EXOC6B: variants seen among roughly 807,000 people sequenced by gnomAD.
EXOC6B encodes the protein exocyst complex component 6B.
Under a neutral mutation model 113.5 loss-of-function variants are expected in EXOC6B, and 54 were observed. That is an observed-to-expected ratio of 0.48 (90% CI 0.38 to 0.60). The LOEUF is 0.60. Among genes scored for constraint, EXOC6B ranks in the 20% least tolerant of loss-of-function variants. The pLI, the probability that EXOC6B is intolerant of heterozygous loss-of-function variation, is 0.00. For synonymous variants in EXOC6B, 357 were observed against 339.0 expected (o/e 1.05, Z -0.58); for missense variants, 797 against 977.5 (o/e 0.82, Z 2.46).
At chr2:72,570,684 T>A (rs2103786903) in intron 7 of EXOC6B, among the ~76,000 whole-genome samples, 1 of 152,294 alleles carries the variant, frequency 6.6e-6, no homozygotes. Context: ...GTGGTATCAA[T>A]GAAGTATTCT....
intron 11 of EXOC6B, among the ~76,000 whole-genome samples, chr2:72,509,828 T>TTTTA (rs759082334): frequency 4.3e-4 from 65 of 152,128 alleles, no homozygotes; most frequent in Non-Finnish European, 6.5e-4. Context: ...ATTTATTTCT[T>TTTTA]TTTATTTATT....
chr2:72,548,667 C>T (rs897570072), intron 8 of EXOC6B, among the ~76,000 whole-genome samples: 3 of 152,108 alleles, frequency 2.0e-5, no homozygotes, highest in African/African-American at 4.8e-5. Flanking sequence ...CAAAAACAAA[C>T]ATTTACTGAT....
chr2:72,662,911 A>G, intron 6 of EXOC6B, among the ~76,000 whole-genome samples: 1 of 152,024 alleles, frequency 6.6e-6, no homozygotes, highest in South Asian at 2.1e-4. Flanking sequence ...TTTAGTAGAG[A>G]TAGGGTTTCA....
At chr2:72,667,198 A>G (rs907163396) in intron 6 of EXOC6B, among the ~76,000 whole-genome samples, 1 of 152,204 alleles carries the variant, frequency 6.6e-6, no homozygotes, top group Non-Finnish European at 1.5e-5. Flanking sequence ...ACTACAAAAC[A>G]CTGCTGAAAG....
chr2:72,762,985 G>T (rs1050914541), intron 1 of EXOC6B, among the ~76,000 whole-genome samples: 2 of 151,910 alleles, frequency 1.3e-5, no homozygotes, highest in African/African-American at 2.4e-5. Flanking sequence ...ATTGCAATAA[G>T]TTAAAGATGC....
At chr2:72,713,420 A>G (rs1028773638) in intron 6 of EXOC6B, among the ~76,000 whole-genome samples, 3 of 151,600 alleles carry the variant, frequency 2.0e-5, no homozygotes, top group African/African-American at 7.3e-5. Context: ...ACAAGAACAA[A>G]TTCTTTTTTT....
chr2:72,291,600 C>G (rs894882100), intron 20 of EXOC6B, among the ~76,000 whole-genome samples: 1 of 152,082 alleles, frequency 6.6e-6, no homozygotes, highest in Non-Finnish European at 1.5e-5. Flanking sequence ...TGTGGTGTGC[C>G]TTGGTTGTTT....
intron 18 of EXOC6B, among the ~76,000 whole-genome samples, chr2:72,408,868 G>C (rs867513483): frequency 1.3e-5 from 2 of 152,088 alleles, no homozygotes; most frequent in East Asian, 3.9e-4. Context: ...TGACAAATGG[G>C]ATCTCATTAA....
chr2:72,813,234 T>C (rs577574160), intron 1 of EXOC6B, among the ~76,000 whole-genome samples: 113 of 152,060 alleles, frequency 7.4e-4, no homozygotes, highest in African/African-American at 2.4e-3. Flanking sequence ...GGGACTATAG[T>C]GCATGCCACG....
At chr2:72,573,225 C>A (rs1223076185) in intron 7 of EXOC6B, among the ~76,000 whole-genome samples, 2 of 152,166 alleles carry the variant, frequency 1.3e-5, no homozygotes, top group African/African-American at 4.8e-5. Flanking sequence ...TTCATCTTAT[C>A]ATCTAACCAT....
chr2:72,289,387 C>T (rs1479519038), intron 20 of EXOC6B, among the ~76,000 whole-genome samples: 1 of 152,010 alleles, frequency 6.6e-6, no homozygotes, highest in Non-Finnish European at 1.5e-5. Flanking sequence ...AATACTTTCC[C>T]TCTTTAAATA....
At chr2:72,801,843 C>G (rs1471030802) in intron 1 of EXOC6B, among the ~76,000 whole-genome samples, 1 of 152,164 alleles carries the variant, frequency 6.6e-6, no homozygotes, top group Non-Finnish European at 1.5e-5. Context: ...ATTACAGTCT[C>G]CTTAAAACCA....
At chr2:72,524,499 G>A (rs1352390590) in intron 8 of EXOC6B, among the ~76,000 whole-genome samples, 2 of 152,094 alleles carry the variant, frequency 1.3e-5, no homozygotes, top group African/African-American at 4.8e-5. Flanking sequence ...TTAGGGCTTT[G>A]AAAAATGTCT....
chr2:72,707,819 C>G (rs779540448), intron 6 of EXOC6B, among the ~76,000 whole-genome samples: 22 of 152,168 alleles, frequency 1.4e-4, no homozygotes, highest in Admixed American at 2.6e-4. Flanking sequence ...ATACTCAATA[C>G]ATATTTCATG....
At chr2:72,260,235 T>C (rs17673916) in intron 20 of EXOC6B, among the ~76,000 whole-genome samples, 18,205 of 152,178 alleles carry the variant, frequency 0.12, 1,349 homozygotes, top group Admixed American at 0.16. Context: ...GAAGGGAAAT[T>C]GAACTATGTG....
intron 20 of EXOC6B, among the ~76,000 whole-genome samples, chr2:72,310,571 C>T (rs1300129052): frequency 6.6e-6 from 1 of 151,368 alleles, no homozygotes; most frequent in Non-Finnish European, 1.5e-5. Flanking sequence ...AGATTATTTC[C>T]CATTATATGG....
intron 2 of EXOC6B, among the ~76,000 whole-genome samples, chr2:72,739,483 A>G (rs750011295): frequency 6.6e-6 from 1 of 152,012 alleles, no homozygotes; most frequent in Non-Finnish European, 1.5e-5. Flanking sequence ...AGTATTTTTT[A>G]TTATTTGCCT....
intron 19 of EXOC6B, among the ~76,000 whole-genome samples, chr2:72,369,056 GA>G (rs1690829708): frequency 6.6e-6 from 1 of 152,144 alleles, no homozygotes; most frequent in Non-Finnish European, 1.5e-5. Flanking sequence ...ATTCAATTAG[GA>G]AAAGAGGTAG....
chr2:72,269,294 G>A (rs1408298546), intron 20 of EXOC6B, among the ~76,000 whole-genome samples: 2 of 152,090 alleles, frequency 1.3e-5, no homozygotes, highest in Non-Finnish European at 2.9e-5. Flanking sequence ...TTCTTAAAGG[G>A]GCCAGTCACT....
Sources: allele counts gnomAD v4.1 joint callset (sites outside exome capture counted in the v4.1 genomes callset), GRCh38; gene constraint gnomAD v4.1.1; transcripts MANE v1.5; gene names NCBI Gene and HGNC (gene_info 2026-07-23, HGNC 2026-07-21).